PDE6B: variants seen among roughly 807,000 people sequenced by gnomAD.
PDE6B encodes rod cGMP-specific 3',5'-cyclic phosphodiesterase subunit beta.
Under a neutral mutation model 109.0 loss-of-function variants are expected in PDE6B, and 106 were observed. The observed-to-expected ratio is 0.97, with a 90% confidence interval of 0.83 to 1.14. The LOEUF is 1.14. PDE6B is among the 50% of genes most tolerant of loss of function. PDE6B has a pLI of 0.00. For missense variants in PDE6B, 1,193 were observed against 1,155.6 expected (o/e 1.03, Z -0.47); for synonymous variants, 490 against 471.3 (o/e 1.04, Z -0.51).
intron 6 of PDE6B, 60 bp downstream of exon 6, chr4:654,948 C>T: frequency 1.0e-6 from 1 of 988,746 alleles, no homozygotes; most frequent in East Asian, 2.4e-5. Context: ...CAGACCCCGG[C>T]TCAGCCCCCA....
chr4:660,159 CGT>C (rs890514219), intron 11 of PDE6B, among the ~76,000 whole-genome samples: 121 of 151,606 alleles, frequency 8.0e-4, no homozygotes, highest in Non-Finnish European at 8.8e-4. Flanking sequence ...TGTCTGTATC[CGT>C]GTGTGTGTGT....
rs1735165244 is a variant in PDE6B, at chr4:645,630, T to C, written c.712-8222T>C. On this transcript the variant is annotated intron_variant, in intron 3 of 21. Transcript: ENST00000496514. ...CATTTAAAGTGATTATTGATATAGT[T>C]GGATTAATATATACCATATTCTTAA... is the stretch of plus-strand genomic sequence containing the variant. 2.0e-5 allele frequency among the ~76,000 whole-genome samples: 3 copies of C among 152,138 alleles called. No individual in the cohort carries two copies. The South Asian group carries it at 6.2e-4, about 32-fold the overall frequency.
At position 660,604 on chromosome 4, in the gene PDE6B, C is replaced by T. The variant is rs1560130133; in HGVS notation, c.1605C>T (p.Ile535=). 6 of 1,613,458 alleles carry T rather than the reference C, an allele frequency of 3.7e-6. No individual in the cohort carries two copies. The highest frequency in any genetic ancestry group is 5.1e-6 in the Non-Finnish European group (6 of 1,179,782). The change falls in exon 12 of 22, where the codon ATC becomes ATT. Residue 535 remains isoleucine, a synonymous_variant. Coordinates refer to ENST00000496514, the MANE Select transcript of PDE6B (RefSeq NM_000283.4). ...TGGGCGTGGTCCGAAAGTTCCAGAT[C>T]CCCCAGGAGGTGGGAGACACCGCAG... ...YELGVVRKFQ[I]PQEVLVRFLF... is the part of the protein sequence containing the mutation.
intron 10 of PDE6B, 113 bp downstream of exon 10, chr4:657,607 CA>C (rs1736459085): frequency 9.5e-7 from 1 of 1,052,294 alleles, no homozygotes; most frequent in African/African-American, 1.7e-5. Flanking sequence ...GCAGGTCATC[CA>C]GGGGTCACCC....
intron 11 of PDE6B, among the ~76,000 whole-genome samples, chr4:659,510 T>C (rs746873805): frequency 2.0e-5 from 3 of 151,112 alleles, no homozygotes; most frequent in Non-Finnish European, 4.4e-5. Context: ...TACGTGTGTG[T>C]GCATGTAGGT....
chr4:657,366 C>G lies in PDE6B; in HGVS notation c.1273C>G (p.Leu425Val), dbSNP rs1736405182. The change falls in exon 10 of 22, where the codon CTG becomes GTG. Residue 425 changes from leucine to valine, a missense_variant. Coordinates refer to ENST00000496514, the MANE Select transcript of PDE6B (RefSeq NM_000283.4). ...TCCCCTCCAGTCCCTGACACAGTTC[C>G]TGGGCTGGTCAGTGATGAACACCGA... ...EVLMESLTQF[L>V]GWSVMNTDTY... 6 of 1,613,000 alleles carry G rather than the reference C, an allele frequency of 3.7e-6. No individual in the cohort carries two copies. Among genetic ancestry groups the G allele is most frequent in the Middle Eastern group, 3.3e-4 (2 of 6,084 alleles).
rs559505884 is a variant in PDE6B, at chr4:662,426, G to C, written c.1723-83G>C. The C allele has an allele frequency of 1.9e-5, 19 of 1,013,938 alleles. No individual in the cohort carries two copies. The Admixed American group carries it at 3.2e-4, about 17-fold the overall frequency. The allele number at this position is 1,013,938 out of a possible 1,614,324, so 62.8% of individuals were successfully genotyped here. On this transcript the variant is annotated intron_variant, in intron 13 of 21. Coordinates refer to ENST00000496514, the MANE Select transcript of PDE6B (RefSeq NM_000283.4). The surrounding 1 kb of genome is among the most constrained non-coding windows in gnomAD (Gnocchi z 4.3). ...TGGTCGGAGGTCCAACCTCCAACCC[G>C]ACGCCTAGGTCATCCCAACCCCTCA...
rs1577317749 is a variant in PDE6B, at chr4:670,462, C to T, written c.*355C>T. 3.5e-6 allele frequency: 1 copy of T among 284,278 alleles called. No individual in the cohort carries two copies. Among genetic ancestry groups the T allele is most frequent in the South Asian group, 3.2e-5 (1 of 31,396 alleles). 17.6% of individuals were successfully genotyped at this position (284,278 alleles called of 1,614,324 possible). A position where few individuals can be genotyped will look rare whatever the true frequency, so the allele number is the denominator to read the frequency against. On this transcript the variant is annotated 3_prime_UTR_variant, in exon 22 of 22. Transcript: ENST00000496514. ...TTCACCATATTGGGCAGGCTGGTCT[C>T]GAACTCCTGACCTCAGGTGATCACC...
intron 3 of PDE6B, chr4:652,544 A>AGG (rs2109184246): frequency 1.0e-6 from 1 of 968,868 alleles, no homozygotes; most frequent in Admixed American, 6.1e-5. Context: ...CACAGTACAC[A>AGG]GGGTGCTCGG....
At chr4:634,975 C>T (rs1179115770) in intron 2 of PDE6B, 146 bp downstream of exon 2, 108 of 655,654 alleles carry the variant, frequency 1.6e-4, no homozygotes, top group Middle Eastern at 1.2e-3. Flanking sequence ...CCTTACCTGC[C>T]TGCCCGCGTG....
intron 1 of PDE6B, among the ~76,000 whole-genome samples, chr4:631,751 C>T (rs551044050): frequency 1.3e-5 from 2 of 151,248 alleles, no homozygotes; most frequent in East Asian, 3.9e-4. Flanking sequence ...TTGTGTGGGT[C>T]CATGTGGCAC....
chr4:653,683 C>G, intron 3 of PDE6B, 169 bp from the exon 4 acceptor site: 1 of 778,870 alleles, frequency 1.3e-6, no homozygotes, highest in South Asian at 1.6e-5. Flanking sequence ...TCAGATGAAA[C>G]CTGGCCACGG....
rs907962980 is a variant in PDE6B, at chr4:664,957, G to A, written c.2193+13G>A. On this transcript the variant is annotated intron_variant, in intron 18 of 21. Transcript: ENST00000496514. Reference sequence around the variant, plus strand: ...AGTCCAGAGCAAGGTTAGAACAGAGGGCCCTCCAGACCCAGAGTCAGTGCC... The same window carrying A: ...AGTCCAGAGCAAGGTTAGAACAGAGAGCCCTCCAGACCCAGAGTCAGTGCC... 1.9e-6 allele frequency: 3 copies of A among 1,604,442 alleles called. No individual in the cohort carries two copies. The Admixed American group carries it at 5.0e-5, about 27-fold the overall frequency.
chr4:637,546 CT>C (rs1025431457), intron 3 of PDE6B, among the ~76,000 whole-genome samples: 1 of 152,192 alleles, frequency 6.6e-6, no homozygotes, highest in African/African-American at 2.4e-5. Context: ...ATGGATGCCC[CT>C]GTCTCATTGT....
At chr4:657,171 A>G (rs1207320354) in intron 9 of PDE6B, 148 bp downstream of exon 9, 2 of 1,137,702 alleles carry the variant, frequency 1.8e-6, no homozygotes, top group African/African-American at 1.5e-5. Context: ...AGGACGACAA[A>G]GGGCCCCCCC....
chr4:665,033 C>A lies in PDE6B; in HGVS notation c.2193+89C>A. 2 of 1,109,232 alleles carry A rather than the reference C, an allele frequency of 1.8e-6. No homozygotes were observed. Among genetic ancestry groups the A allele is most frequent in the Non-Finnish European group, 2.8e-6 (2 of 726,216 alleles). 68.7% of individuals were successfully genotyped at this position (1,109,232 alleles called of 1,614,324 possible). On this transcript the variant is annotated intron_variant, in intron 18 of 21. Transcript: ENST00000496514. This position sits in a 1 kb window ranked among gnomAD's most constrained non-coding sequence, Gnocchi z 4.0. ...GGCGGGAGCCTCGGATGGCAACGGACCATTGTTTGCAAGGAGCTCTGAGGG... is the reference window on the plus strand; with the variant it reads ...GGCGGGAGCCTCGGATGGCAACGGAACATTGTTTGCAAGGAGCTCTGAGGG...
chr4:657,297 G>T, intron 9 of PDE6B, 54 bp from the exon 10 acceptor site: 1 of 1,605,554 alleles, frequency 6.2e-7, no homozygotes, highest in South Asian at 1.1e-5. Context: ...ACAGGCACAT[G>T]GGAGGGGGCG....
chr4:635,922 A>T lies in PDE6B; in HGVS notation c.664A>T (p.Ile222Phe), dbSNP rs771441828. 4.4e-6 allele frequency: 7 copies of T among 1,608,882 alleles called. No homozygotes were observed. In the African/African-American group the frequency reaches 8.0e-5, roughly 18 times the overall value. ...GAATTTTGCCACGTTGTACCTGAAGATCTATCACCTGAGCTACCTCCACAA... is the reference window on the plus strand; with the variant it reads ...GAATTTTGCCACGTTGTACCTGAAGTTCTATCACCTGAGCTACCTCCACAA... The part of the protein sequence containing the change: ...YLNFATLYLK[I>F]YHLSYLHNCE... The change falls in exon 3 of 22, where the codon ATC becomes TTC. Residue 222 changes from isoleucine to phenylalanine, a missense_variant. Coordinates refer to ENST00000496514, the MANE Select transcript of PDE6B (RefSeq NM_000283.4).
chr4:663,965 G>A lies in PDE6B; in HGVS notation c.2021+95G>A, dbSNP rs1282805993. On this transcript the variant is annotated intron_variant, in intron 16 of 21. Coordinates refer to ENST00000496514, the MANE Select transcript of PDE6B (RefSeq NM_000283.4). This position sits in a 1 kb window ranked among gnomAD's most constrained non-coding sequence, Gnocchi z 4.0. ...GGCGCAGCGGCGGCACAGCCCGGGGGACGCAGCCCCGGATTCCGTCCCTGC... is the reference window on the plus strand; with the variant it reads ...GGCGCAGCGGCGGCACAGCCCGGGGAACGCAGCCCCGGATTCCGTCCCTGC... 2.7e-6 allele frequency: 3 copies of A among 1,109,968 alleles called. No homozygotes were observed. The highest frequency in any genetic ancestry group is 2.1e-5 in the Admixed American group (1 of 48,618). 68.8% of individuals were successfully genotyped at this position (1,109,968 alleles called of 1,614,324 possible).
Sources: allele counts gnomAD v4.1 joint callset (sites outside exome capture counted in the v4.1 genomes callset), GRCh38; gene constraint gnomAD v4.1.1; non-coding constraint Gnocchi (gnomAD v3.1); transcripts MANE v1.5; gene names NCBI Gene and HGNC (gene_info 2026-07-23, HGNC 2026-07-21).